Variants in RANBP2 observed in about 807,000 individuals in gnomAD.
RANBP2 encodes the protein E3 SUMO-protein ligase RanBP2.
In RANBP2, 57 loss-of-function variants were observed where a neutral mutation model predicts 303.6. The ratio of observed to expected loss-of-function variants is 0.19; its 90% confidence interval spans 0.15 to 0.23. RANBP2 has a LOEUF of 0.23. Ranked by LOEUF, RANBP2 falls within the 10% of genes least tolerant of loss-of-function variation. The pLI is 1.00. For synonymous variants in RANBP2, 1,167 were observed against 1,301.5 expected (o/e 0.90, Z 2.23); for missense variants, 3,138 against 3,780.8 (o/e 0.83, Z 4.46).
the RANBP2 span, among the ~76,000 whole-genome samples, chr2:109,599,976 T>G: frequency 6.6e-6 from 1 of 152,154 alleles, no homozygotes; most frequent in African/African-American, 2.4e-5. Flanking sequence ...ATTCTGATTC[T>G]CCCTTCAAGC....
chr2:108,866,536 T>C, the RANBP2 span, among the ~76,000 whole-genome samples: 2 of 152,220 alleles, frequency 1.3e-5, no homozygotes, highest in Admixed American at 6.5e-5. Context: ...TACAAGCATT[T>C]GACCACTTCC....
At chr2:109,330,154 T>C in the RANBP2 span, among the ~76,000 whole-genome samples, 8 of 152,244 alleles carry the variant, frequency 5.3e-5, no homozygotes. Context: ...GTGAGATACT[T>C]AGAGGGAACA....
chr2:108,879,091 T>C, the RANBP2 span, among the ~76,000 whole-genome samples: 12 of 152,350 alleles, frequency 7.9e-5, no homozygotes, highest in Admixed American at 5.9e-4. Flanking sequence ...AAGATCAAAA[T>C]TGGCTTAAGA....
the RANBP2 span, among the ~76,000 whole-genome samples, chr2:109,728,813 C>T: frequency 1.5e-4 from 22 of 150,982 alleles, no homozygotes; most frequent in Non-Finnish European, 2.7e-4. Flanking sequence ...TTCTCTAGAT[C>T]GAAAAGGAAA....
At chr2:109,521,044 C>T in the RANBP2 span, among the ~76,000 whole-genome samples, 149 of 150,118 alleles carry the variant, frequency 9.9e-4, no homozygotes, top group African/African-American at 3.5e-3. Context: ...GGTGAAACCC[C>T]GTCTCTACTA....
the RANBP2 span, among the ~76,000 whole-genome samples, chr2:109,252,142 G>A: frequency 6.6e-6 from 1 of 152,058 alleles, no homozygotes; most frequent in Admixed American, 6.5e-5. Flanking sequence ...TACTCAGGAG[G>A]CTGAGGTTGG....
chr2:108,771,786 A>T lies in RANBP2; in HGVS notation c.7935A>T (p.Lys2645Asn). Residue 2645 changes from lysine (K) to asparagine (N), a missense_variant, in exon 21 of 29, where the codon AAA becomes AAT. Physicochemically the swap from Lys to Asn is moderately conservative, Grantham distance 94. This residue lies in a region of RANBP2 where 497 missense variants were observed against 465.8 expected (regional missense o/e 1.07). Transcript: ENST00000283195. ...VYELTPTAEQ[K>N]ALATKLKLPP... ...AACTAACTCCAACCGCTGAGCAGAA[A>T]GCCCTTGCAACCAAACTTAAACTTC... The T allele has an allele frequency of 6.2e-7, 1 of 1,614,084 alleles. No individual in the cohort carries two copies. Among genetic ancestry groups the T allele is most frequent in the South Asian group, 1.1e-5 (1 of 91,086 alleles).
intron 7 of RANBP2, among the ~76,000 whole-genome samples, chr2:108,741,495 C>CTTTTTTTTTT (rs34872068): frequency 3.2e-5 from 2 of 61,786 alleles, no homozygotes; most frequent in Non-Finnish European, 5.7e-5. Context: ...TGCGCCTGGC[C>CTTTTTTTTTT]TTTTTTTTTT....
At chr2:109,025,910 A>G in the RANBP2 span, among the ~76,000 whole-genome samples, 4 of 152,030 alleles carry the variant, frequency 2.6e-5, no homozygotes, top group African/African-American at 9.7e-5. Flanking sequence ...GAGATGGGGG[A>G]CGACGTGTCC....
At chr2:109,331,839 C>T in the RANBP2 span, among the ~76,000 whole-genome samples, 1 of 152,134 alleles carries the variant, frequency 6.6e-6, no homozygotes, top group Non-Finnish European at 1.5e-5. Flanking sequence ...GCCAGGGGCA[C>T]CCTGTCATGC....
the RANBP2 span, among the ~76,000 whole-genome samples, chr2:109,298,227 A>G: frequency 2.0e-5 from 3 of 152,188 alleles, no homozygotes; most frequent in African/African-American, 7.2e-5. Flanking sequence ...AAGGAGAGGC[A>G]TGGAGAGCAG....
At chr2:109,301,112 T>C in the RANBP2 span, among the ~76,000 whole-genome samples, 4 of 152,208 alleles carry the variant, frequency 2.6e-5, no homozygotes, top group African/African-American at 9.7e-5. Flanking sequence ...ATTTTAATAC[T>C]GTGGGAATAG....
the RANBP2 span, among the ~76,000 whole-genome samples, chr2:109,670,718 T>G: frequency 2.0e-5 from 3 of 152,160 alleles, no homozygotes; most frequent in African/African-American, 7.2e-5. Flanking sequence ...CTGCTGTGGG[T>G]CCAGGGCCTG....
the RANBP2 span, among the ~76,000 whole-genome samples, chr2:109,028,047 A>G: frequency 6.6e-6 from 1 of 152,178 alleles, no homozygotes; most frequent in Non-Finnish European, 1.5e-5. Context: ...AGACAGGCAG[A>G]CATCTTGAGC....
At chr2:109,338,697 A>G in the RANBP2 span, among the ~76,000 whole-genome samples, 1 of 152,176 alleles carries the variant, frequency 6.6e-6, no homozygotes, top group African/African-American at 2.4e-5. Flanking sequence ...AGCTGTGACT[A>G]CAGGCATGCG....
chr2:109,574,832 CT>C, the RANBP2 span: 1 of 1,219,476 alleles, frequency 8.2e-7, no homozygotes, highest in Non-Finnish European at 1.1e-6. Context: ...CTGTGCAACT[CT>C]TAGAAGTTTG....
At chr2:109,387,384 A>G in the RANBP2 span, among the ~76,000 whole-genome samples, 2 of 152,196 alleles carry the variant, frequency 1.3e-5, no homozygotes, top group Non-Finnish European at 2.9e-5. Context: ...CCAGGGGCCC[A>G]GAAGCTTCAG....
At chr2:108,799,850 A>G in the RANBP2 span, among the ~76,000 whole-genome samples, 1 of 151,756 alleles carries the variant, frequency 6.6e-6, no homozygotes, top group Non-Finnish European at 1.5e-5. Flanking sequence ...TTCTTGATCC[A>G]TCTTAAAGTT....
the RANBP2 span, among the ~76,000 whole-genome samples, chr2:108,928,705 A>G: frequency 3.3e-5 from 5 of 152,280 alleles, no homozygotes; most frequent in African/African-American, 7.2e-5. Flanking sequence ...GGAAGATTTT[A>G]TCTTTCTCTC....
Sources: gnomAD v4.1 joint callset for allele counts (sites outside exome capture counted in the v4.1 genomes callset) on GRCh38, gnomAD v4.1.1 for gene constraint, gnomAD v4.1.1 regional missense constraint, MANE v1.5 for transcripts, NCBI Gene and HGNC (gene_info 2026-07-23, HGNC 2026-07-21) for gene names.